LRP2: variants seen among roughly 807,000 people sequenced by gnomAD.
LRP2 encodes low-density lipoprotein receptor-related protein 2.
In LRP2, 172 loss-of-function variants were observed where a neutral mutation model predicts 531.0. That is an observed-to-expected ratio of 0.32 (90% CI 0.29 to 0.37). The LOEUF is 0.37. LRP2 is among the 10% of genes least tolerant of loss of function. The probability of loss-of-function intolerance (pLI) is 1.00; values close to 1 mark genes in which losing one functional copy is unlikely to be tolerated. For missense variants in LRP2, 5,167 were observed against 5,868.3 expected (o/e 0.88, Z 3.90); for synonymous variants, 1,992 against 2,027.6 (o/e 0.98, Z 0.47).
At chr2:169,233,282 G>C in intron 30 of LRP2, 129 bp downstream of exon 30, 1 of 955,258 alleles carries the variant, frequency 1.0e-6, no homozygotes, top group Non-Finnish European at 1.7e-6. Flanking sequence ...ATATAGTGGG[G>C]TGGTTTGTAA....
At position 169,216,377 on chromosome 2, in the gene LRP2, G is replaced by A. The variant is rs61995913; in HGVS notation, c.5702C>T (p.Ala1901Val). 3.1e-6 allele frequency: 5 copies of A among 1,613,628 alleles called. No individual in the cohort carries two copies. The highest frequency in any genetic ancestry group is 4.2e-6 in the Non-Finnish European group (5 of 1,179,696). The change falls in exon 35 of 79, where the codon GCC becomes GTC. Residue 1901 changes from alanine to valine, a missense_variant. Around this residue, in one of 6 missense-constraint regions of LRP2, gnomAD observed 2,811 missense variants for 3,058.0 expected, o/e 0.92. Coordinates refer to ENST00000649046, the MANE Select transcript of LRP2 (RefSeq NM_004525.3). ...GTDSGVPAKI[A>V]SANMDGTSVK... The stretch of plus-strand genomic sequence containing the variant: ...AGATGTGCCATCCATGTTAGCACTG[G>A]CGATCTTGGCAGGAACCCCACTGTC...
intron 3 of LRP2, among the ~76,000 whole-genome samples, chr2:169,314,730 CT>C (rs1684712378): frequency 1.3e-5 from 2 of 152,302 alleles, no homozygotes; most frequent in Admixed American, 1.3e-4. Context: ...TCCAATTTTA[CT>C]TCTATTAATA....
chr2:169,255,284 G>A (rs1166088464), intron 19 of LRP2, among the ~76,000 whole-genome samples: 25 of 152,138 alleles, frequency 1.6e-4, no homozygotes. Flanking sequence ...TTTATGCAGT[G>A]CACAAGCTAT....
chr2:169,284,968 T>C (rs1335686399), intron 9 of LRP2, among the ~76,000 whole-genome samples: 1 of 152,164 alleles, frequency 6.6e-6, no homozygotes, highest in Non-Finnish European at 1.5e-5. Context: ...AGGAATTCTC[T>C]AGCACAAATG....
At chr2:169,156,138 A>G in intron 65 of LRP2, 136 bp downstream of exon 65, 1 of 1,152,964 alleles carries the variant, frequency 8.7e-7, no homozygotes, top group Non-Finnish European at 1.2e-6. Context: ...GTGTTGGAAG[A>G]GAAGCAGCTG....
Position 169,205,902 on chromosome 2 carries a change from T to C in LRP2, c.7556+121A>G. 2.3e-6 allele frequency: 3 copies of C among 1,331,824 alleles called. No homozygotes were observed. In the South Asian group the frequency reaches 3.6e-5, roughly 16 times the overall value. The allele number at this position is 1,331,824 out of a possible 1,614,324, so 82.5% of individuals were successfully genotyped here. On this transcript the variant is annotated intron_variant, in intron 40 of 78. Coordinates refer to ENST00000649046, the MANE Select transcript of LRP2 (RefSeq NM_004525.3). Reference sequence around the variant, plus strand: ...AAATCACTCAATATGCTTTCATTTTTGAATCTGTAGCCATAGTTTTATAAG... The same window carrying C: ...AAATCACTCAATATGCTTTCATTTTCGAATCTGTAGCCATAGTTTTATAAG...
intron 67 of LRP2, among the ~76,000 whole-genome samples, chr2:169,151,956 T>C (rs575454911): frequency 6.6e-6 from 1 of 152,268 alleles, no homozygotes; most frequent in East Asian, 1.9e-4. Flanking sequence ...GAAAAAGAAT[T>C]TACACTGAAA....
intron 55 of LRP2, 63 bp downstream of exon 55, chr2:169,175,130 A>C: frequency 6.6e-7 from 1 of 1,515,920 alleles, no homozygotes; most frequent in Admixed American, 1.7e-5. Context: ...ATACCCACAG[A>C]ATCATGATCG....
At chr2:169,328,452 A>AAG (rs1553515049) in intron 1 of LRP2, among the ~76,000 whole-genome samples, 1 of 87,088 alleles carries the variant, frequency 1.1e-5, no homozygotes, top group South Asian at 2.8e-4. Flanking sequence ...AAAAAAAAAA[A>AAG]AAAAAAAAAA....
intron 3 of LRP2, among the ~76,000 whole-genome samples, chr2:169,312,535 CT>C (rs1436633540): frequency 1.3e-5 from 2 of 152,186 alleles, no homozygotes; most frequent in African/African-American, 2.4e-5. Context: ...TTGGCCCCCC[CT>C]CTCTTCTGGC....
At chr2:169,270,669 G>T (rs34008706) in intron 16 of LRP2, among the ~76,000 whole-genome samples, 1 of 150,682 alleles carries the variant, frequency 6.6e-6, no homozygotes, top group African/African-American at 2.4e-5. Context: ...ACGAGTTAAC[G>T]GGTGCAGCAC....
intron 71 of LRP2, among the ~76,000 whole-genome samples, chr2:169,142,306 T>G (rs1685750319): frequency 6.6e-6 from 1 of 152,206 alleles, no homozygotes; most frequent in Non-Finnish European, 1.5e-5. Flanking sequence ...GACATGGTTC[T>G]CTACCCTGAG....
chr2:169,146,011 C>G lies in LRP2; in HGVS notation c.12812-88G>C. ...CTACCGCCACTTCTAGATCTGATGT[C>G]ATTCTGCTTGAATTATTCCCTCATA... is the stretch of plus-strand genomic sequence containing the variant. On this transcript the variant is annotated intron_variant, in intron 69 of 78. Transcript: ENST00000649046. 16 of 1,194,668 alleles carry G rather than the reference C, an allele frequency of 1.3e-5. 1 individual carries two copies. The South Asian group carries it at 2.0e-4, about 15-fold the overall frequency. 74.0% of individuals were successfully genotyped at this position (1,194,668 alleles called of 1,614,324 possible).
In LRP2 at chr2:169,362,424, C is replaced by G. The variant is rs924310841; in HGVS notation, c.-25G>C. 3.2e-6 allele frequency: 5 copies of G among 1,543,988 alleles called. No homozygotes were observed. The highest frequency in any genetic ancestry group is 2.7e-5 in the African/African-American group (2 of 73,056). The stretch of plus-strand genomic sequence containing the variant: ...TCTCCGCGACGGTCCCCGGCCTCGC[C>G]GTTCCTTCCCCGGGAGGTGGGCGCG... On this transcript the variant is annotated 5_prime_UTR_variant, in exon 1 of 79. Coordinates refer to ENST00000649046, the MANE Select transcript of LRP2 (RefSeq NM_004525.3).
chr2:169,239,984 A>G (rs918852421), intron 25 of LRP2, among the ~76,000 whole-genome samples: 1 of 152,150 alleles, frequency 6.6e-6, no homozygotes, highest in African/African-American at 2.4e-5. Context: ...CTTCATATCC[A>G]TTGGAGTATG....
At chr2:169,157,957 T>TAAAA (rs60891675) in intron 63 of LRP2, among the ~76,000 whole-genome samples, 3,080 of 146,052 alleles carry the variant, frequency 0.021, 42 homozygotes, top group Middle Eastern at 0.044. Flanking sequence ...AATAAATAAA[T>TAAAA]AAAAGACATG....
chr2:169,164,893 T>C (rs1045622750), intron 62 of LRP2, among the ~76,000 whole-genome samples: 4 of 152,158 alleles, frequency 2.6e-5, no homozygotes, highest in African/African-American at 9.7e-5. Flanking sequence ...GCAGGGGAAA[T>C]GGAAAGAGAT....
intron 30 of LRP2, among the ~76,000 whole-genome samples, chr2:169,232,436 T>C (rs1689441382): frequency 7.7e-6 from 1 of 129,700 alleles, no homozygotes; most frequent in African/African-American, 2.8e-5. Context: ...AATCCATTCA[T>C]TCACCAGAAA....
chr2:169,141,355 T>C (rs1211665684), intron 71 of LRP2, among the ~76,000 whole-genome samples: 1 of 152,178 alleles, frequency 6.6e-6, no homozygotes, highest in Non-Finnish European at 1.5e-5. Context: ...TAGTACCACC[T>C]GAACTACCAT....
Sources: gnomAD v4.1 joint callset for allele counts (sites outside exome capture counted in the v4.1 genomes callset) on GRCh38, gnomAD v4.1.1 for gene constraint, gnomAD v4.1.1 regional missense constraint, MANE v1.5 for transcripts, NCBI Gene and HGNC (gene_info 2026-07-23, HGNC 2026-07-21) for gene names.